ZFYVE9: variants seen among roughly 807,000 people sequenced by gnomAD.
ZFYVE9 encodes the protein zinc finger FYVE domain-containing protein 9.
ZFYVE9 carries 43 observed loss-of-function variants against 126.7 expected under a neutral mutation model. The observed-to-expected ratio is 0.34, with a 90% CI of 0.27 to 0.44. ZFYVE9 has a LOEUF of 0.44. ZFYVE9 is among the 20% of genes least tolerant of loss of function. ZFYVE9 has a pLI of 1.00. For missense variants in ZFYVE9, 1,476 were observed against 1,697.0 expected, an observed-to-expected ratio of 0.87 and a Z score of 2.29; for synonymous variants, 521 against 597.4, an observed-to-expected ratio of 0.87 and a Z score of 1.87.
intron 1 of ZFYVE9, among the ~76,000 whole-genome samples, chr1:52,212,043 A>C (rs1645033265): frequency 6.6e-6 from 1 of 152,212 alleles, no homozygotes; most frequent in African/African-American, 2.4e-5. Context: ...TTAAAATTTT[A>C]GTCTTCTGTT....
chr1:52,252,658 G>A (rs1371243340), intron 4 of ZFYVE9: 4 of 326,258 alleles, frequency 1.2e-5, no homozygotes, highest in African/African-American at 4.4e-5. Context: ...ACGCCTGGCC[G>A]AAAAATTTGT....
chr1:52,221,964 T>C (rs902686952), intron 2 of ZFYVE9, among the ~76,000 whole-genome samples: 3 of 152,230 alleles, frequency 2.0e-5, no homozygotes, highest in Non-Finnish European at 4.4e-5. Context: ...GAGAATTTCC[T>C]AAGTTCCTGC....
chr1:52,278,472 A>G lies in ZFYVE9; in HGVS notation c.2747-20A>G, dbSNP rs765201648. ...TTTGTTCCTTTAACCAATCTATTAC[A>G]TTGTTTTCTCCCCTTTCAGACTATG... On this transcript the variant is annotated intron_variant, in intron 8 of 18. Coordinates refer to ENST00000287727, the MANE Select transcript of ZFYVE9 (RefSeq NM_004799.4). 6 of 1,613,824 alleles carry G rather than the reference A, an allele frequency of 3.7e-6. No homozygotes were observed. Among genetic ancestry groups the G allele is most frequent in the South Asian group, 1.1e-5 (1 of 91,064 alleles).
intron 4 of ZFYVE9, among the ~76,000 whole-genome samples, chr1:52,243,619 G>A (rs944751279): frequency 1.3e-5 from 2 of 152,076 alleles, no homozygotes; most frequent in African/African-American, 4.8e-5. Context: ...CGAGGGAAGA[G>A]TCACATAAAA....
chr1:52,188,815 G>A (rs1644789711), intron 1 of ZFYVE9, among the ~76,000 whole-genome samples: 1 of 151,968 alleles, frequency 6.6e-6, no homozygotes, highest in Non-Finnish European at 1.5e-5. Context: ...TTTTAAGATA[G>A]CTTTATAACA....
chr1:52,341,240 C>T (rs1394816642), intron 17 of ZFYVE9, among the ~76,000 whole-genome samples: 1 of 152,178 alleles, frequency 6.6e-6, no homozygotes, highest in Non-Finnish European at 1.5e-5. Flanking sequence ...ACAAACAAAA[C>T]TAAAGCTCAG....
intron 4 of ZFYVE9, among the ~76,000 whole-genome samples, chr1:52,255,578 C>A (rs1166147285): frequency 7.4e-6 from 1 of 134,296 alleles, no homozygotes; most frequent in African/African-American, 2.9e-5. Flanking sequence ...AGAGCAAAAC[C>A]ATCTCAAAAA....
chr1:52,257,126 C>T (rs1209461301), intron 4 of ZFYVE9, among the ~76,000 whole-genome samples: 2 of 152,040 alleles, frequency 1.3e-5, no homozygotes, highest in Admixed American at 6.6e-5. Flanking sequence ...AGCATGTTCA[C>T]AGATTTAGCA....
chr1:52,324,076 C>A (rs913566002), intron 13 of ZFYVE9, among the ~76,000 whole-genome samples: 3 of 151,156 alleles, frequency 2.0e-5, no homozygotes, highest in Non-Finnish European at 4.4e-5. Flanking sequence ...AAAAAATAAC[C>A]ACAAAAAAAC....
chr1:52,179,624 A>G (rs1644677018), intron 1 of ZFYVE9, among the ~76,000 whole-genome samples: 1 of 151,960 alleles, frequency 6.6e-6, no homozygotes, highest in Non-Finnish European at 1.5e-5. Context: ...ACAGAGCAAG[A>G]TTGTGTCTCA....
At chr1:52,148,050 G>T (rs1018677663) in intron 1 of ZFYVE9, among the ~76,000 whole-genome samples, 1 of 151,900 alleles carries the variant, frequency 6.6e-6, no homozygotes, top group African/African-American at 2.4e-5. Context: ...AAAGTGCTGG[G>T]ATTACAGGCA....
intron 13 of ZFYVE9, among the ~76,000 whole-genome samples, chr1:52,327,076 G>A (rs574800900): frequency 5.9e-4 from 90 of 151,814 alleles, no homozygotes; most frequent in African/African-American, 2.1e-3. Context: ...TAGGAGAATC[G>A]CTTGAACCCA....
At chr1:52,316,414 G>C (rs1224145772) in intron 13 of ZFYVE9, among the ~76,000 whole-genome samples, 1 of 151,252 alleles carries the variant, frequency 6.6e-6, no homozygotes, top group African/African-American at 2.4e-5. Flanking sequence ...GAATCTGGGA[G>C]GTGGAGGTTG....
intron 1 of ZFYVE9, chr1:52,162,967 T>G: frequency 2.2e-6 from 1 of 454,206 alleles, no homozygotes; most frequent in Non-Finnish European, 4.2e-6. Context: ...TGTTGGAGAT[T>G]TTGACTGAGA....
At chr1:52,255,194 A>G (rs1168017830) in intron 4 of ZFYVE9, among the ~76,000 whole-genome samples, 3 of 152,238 alleles carry the variant, frequency 2.0e-5, no homozygotes, top group Non-Finnish European at 4.4e-5. Flanking sequence ...TTATGATGAC[A>G]TATGAATAGA....
chr1:52,255,842 G>GA (rs911547414), intron 4 of ZFYVE9, among the ~76,000 whole-genome samples: 10 of 151,962 alleles, frequency 6.6e-5, no homozygotes, highest in Admixed American at 6.6e-4. Flanking sequence ...GTAACAGAGA[G>GA]AGACTCTGAC....
At chr1:52,271,318 CA>C (rs1274530491) in intron 7 of ZFYVE9, among the ~76,000 whole-genome samples, 2 of 152,146 alleles carry the variant, frequency 1.3e-5, no homozygotes, top group African/African-American at 4.8e-5. Flanking sequence ...TGAGAGAAAG[CA>C]AACTCTTTAA....
chr1:52,330,096 A>G (rs1254086936), intron 13 of ZFYVE9, among the ~76,000 whole-genome samples: 1 of 151,686 alleles, frequency 6.6e-6, no homozygotes, highest in Non-Finnish European at 1.5e-5. Context: ...AAAAATGGGC[A>G]GGCCAGGTGC....
intron 12 of ZFYVE9, among the ~76,000 whole-genome samples, chr1:52,300,013 G>A (rs557474007): frequency 6.6e-6 from 1 of 152,256 alleles, no homozygotes; most frequent in South Asian, 2.1e-4. Flanking sequence ...TTCCCCATTA[G>A]AAGTAGTCCT....
Sources: allele counts gnomAD v4.1 joint callset (sites outside exome capture counted in the v4.1 genomes callset), GRCh38; gene constraint gnomAD v4.1.1; transcripts MANE v1.5; gene names NCBI Gene and HGNC (gene_info 2026-07-23, HGNC 2026-07-21).